The following PIGG variants were observed in gnomAD, a reference collection of about 807,000 sequenced individuals.
The protein encoded by PIGG is phosphatidylinositol glycan anchor biosynthesis class G (EMM blood group).
A neutral mutation model predicts 83.2 loss-of-function variants in PIGG; 70 were observed. The ratio of observed to expected loss-of-function variants is 0.84; its 90% CI spans 0.69 to 1.03. The LOEUF is 1.03. Among genes scored for constraint, PIGG ranks in the 50% least tolerant of loss-of-function variants. The pLI, the probability that PIGG is intolerant of heterozygous loss-of-function variation, is 0.00. For synonymous variants in PIGG, 532 were observed against 519.5 expected, an observed-to-expected ratio of 1.02 and a Z score of -0.33; for missense variants, 1,257 against 1,233.6, an observed-to-expected ratio of 1.02 and a Z score of -0.28.
chr4:523,221 T>C (rs115010181), intron 8 of PIGG, among the ~76,000 whole-genome samples: 189 of 152,274 alleles, frequency 1.2e-3, no homozygotes, highest in African/African-American at 3.9e-3. Flanking sequence ...GGCCGTGCAG[T>C]GTCCGGCTCC....
chr4:514,024 T>C (rs1723068117), intron 5 of PIGG, among the ~76,000 whole-genome samples: 1 of 152,270 alleles, frequency 6.6e-6, no homozygotes, highest in East Asian at 1.9e-4. Context: ...GCCTTATTCT[T>C]TACAACAATA....
chr4:510,748 C>A (rs1261512773), intron 5 of PIGG, among the ~76,000 whole-genome samples: 1 of 152,130 alleles, frequency 6.6e-6, no homozygotes, highest in Non-Finnish European at 1.5e-5. Flanking sequence ...CAGCATTGGG[C>A]CACCATCATC....
chr4:513,417 C>T (rs1043476339), intron 5 of PIGG, among the ~76,000 whole-genome samples: 6 of 152,164 alleles, frequency 3.9e-5, no homozygotes, highest in African/African-American at 9.7e-5. Context: ...AGCCCACCAC[C>T]GCCCACCCCT....
At chr4:534,808 T>G (rs1208886286) in intron 12 of PIGG, among the ~76,000 whole-genome samples, 1 of 150,654 alleles carries the variant, frequency 6.6e-6, no homozygotes, top group Non-Finnish European at 1.5e-5. Context: ...AGATCAAGGG[T>G]GCAGCCCCCC....
At chr4:530,797 TTTTAAA>T (rs774718661) in intron 11 of PIGG, 52 bp downstream of exon 11, 4 of 1,253,628 alleles carry the variant, frequency 3.2e-6, no homozygotes, top group Non-Finnish European at 4.5e-6. Context: ...TACATATTTA[TTTTAAA>T]TTTTTCTTTG....
chr4:507,310 C>A, intron 3 of PIGG, 95 bp from the exon 4 acceptor site: 1 of 951,362 alleles, frequency 1.1e-6, no homozygotes, highest in Non-Finnish European at 1.6e-6. Flanking sequence ...CCTGAATAAA[C>A]CCCTAGATTT....
chr4:521,157 T>C lies in PIGG; in HGVS notation c.1216T>C (p.Ser406Pro). Residue 406 changes from serine to proline, a missense_variant, in exon 7 of 13, where the codon TCC (serine) becomes CCC (proline). Coordinates refer to ENST00000453061, the MANE Select transcript of PIGG (RefSeq NM_001127178.3). ...KHSEVLFNLG[S>P]KVLRQYLDAL... Reference sequence around the variant, plus strand: ...TTCAGAAGTCCTATTCAACCTGGGCTCCAAGGTTCTCAGGCAGTACCTGGA... The same window carrying C: ...TTCAGAAGTCCTATTCAACCTGGGCCCCAAGGTTCTCAGGCAGTACCTGGA... The C allele has an allele frequency of 6.2e-7, 1 of 1,613,842 alleles. No homozygotes were observed. Among genetic ancestry groups the C allele is most frequent in the Non-Finnish European group, 8.5e-7 (1 of 1,179,744 alleles).
At position 528,451 on chromosome 4, in the gene PIGG, G is replaced by A. The variant is rs766502731; in HGVS notation, c.2261+1221G>A. The stretch of plus-strand genomic sequence containing the variant: ...GCCGTGGGGCTCCGGGGGCACCCCT[G>A]GAAGTACTTCCTGGCTGAGTGGGGA... On this transcript the variant is annotated intron_variant, in intron 10 of 12. Transcript: ENST00000453061. This position sits in a 1 kb window ranked among gnomAD's most constrained non-coding sequence, Gnocchi z 4.8. 5.1e-6 allele frequency: 5 copies of A among 985,388 alleles called. No homozygotes were observed. Among genetic ancestry groups the A allele is most frequent in the Non-Finnish European group, 6.0e-6 (5 of 829,904 alleles). The allele number at this position is 985,388 out of a possible 1,614,324, so 61.0% of individuals were successfully genotyped here.
intron 10 of PIGG, chr4:527,731 T>C: frequency 4.1e-6 from 4 of 985,338 alleles, no homozygotes; most frequent in Non-Finnish European, 4.8e-6. Context: ...CAGGAGCTCC[T>C]GTTGATTGGC....
rs541893247 is a variant in PIGG, at chr4:516,201, G to A, written c.1114+16G>A. On this transcript the variant is annotated intron_variant, in intron 6 of 12. Coordinates refer to ENST00000453061, the MANE Select transcript of PIGG (RefSeq NM_001127178.3). ...TATGAAAAAGGTCAGTCAACTCACC[G>A]TTTCGAGCTCTGTCAGAGCTGTGTG... The A allele has an allele frequency of 1.7e-5, 27 of 1,570,238 alleles. No individual in the cohort carries two copies. The highest frequency in any genetic ancestry group is 6.7e-5 in the African/African-American group (5 of 74,126).
chr4:527,277 GA>G, intron 10 of PIGG, 47 bp downstream of exon 10: 1 of 1,519,526 alleles, frequency 6.6e-7, no homozygotes, highest in South Asian at 1.3e-5. Context: ...TTTACTGTTT[GA>G]AGAACTGGCG....
chr4:523,355 G>C (rs1254801903), intron 8 of PIGG, 104 bp from the exon 9 acceptor site: 1 of 827,358 alleles, frequency 1.2e-6, no homozygotes, highest in African/African-American at 1.7e-5. Flanking sequence ...AGGAACAATG[G>C]TGTGTGTCCA....
intron 6 of PIGG, 111 bp downstream of exon 6, chr4:516,296 TC>T: frequency 1.4e-6 from 1 of 707,394 alleles, no homozygotes; most frequent in South Asian, 1.6e-5. Context: ...TATTTTTTCA[TC>T]ACTACTCTTT....
At position 523,916 on chromosome 4, in the gene PIGG, G is replaced by A; in HGVS notation, c.2069+3G>A. The stretch of plus-strand genomic sequence containing the variant: ...GACCTCGGCCACTGGCTCACCAGGT[G>A]AGAGCGTAGGCCCGTGGCCACAGGC... On this transcript the variant is annotated splice_donor_region_variant and intron_variant, in intron 9 of 12. Coordinates refer to ENST00000453061, the MANE Select transcript of PIGG (RefSeq NM_001127178.3). The A allele has an allele frequency of 1.3e-6, 2 of 1,509,590 alleles. No individual in the cohort carries two copies. Among genetic ancestry groups the A allele is most frequent in the South Asian group, 2.5e-5 (2 of 79,734 alleles). The allele number at this position is 1,509,590 out of a possible 1,614,324, so 93.5% of individuals were successfully genotyped here.
chr4:518,030 C>G (rs1724514031), intron 6 of PIGG, among the ~76,000 whole-genome samples: 1 of 152,166 alleles, frequency 6.6e-6, no homozygotes, highest in South Asian at 2.1e-4. Flanking sequence ...GAGATGTAAA[C>G]CGGCCTCCTA....
Position 506,930 on chromosome 4 carries a change from A to G in PIGG, c.571-475A>G, listed in dbSNP as rs141609819. The G allele has an allele frequency of 1.2e-3, 459 of 374,636 alleles. 11 individuals carry two copies. The East Asian group carries it at 0.028, about 23-fold the overall frequency. The allele number at this position is 374,636 out of a possible 1,614,324, so 23.2% of individuals were successfully genotyped here. A position where few individuals can be genotyped will look rare whatever the true frequency, so the allele number is the denominator to read the frequency against. ...GTTACCTCATGACAACTTGGGATCT[A>G]TTTAACTTGCCCATTTGCTCACCTT... On this transcript the variant is annotated intron_variant, in intron 3 of 12. Coordinates refer to ENST00000453061, the MANE Select transcript of PIGG (RefSeq NM_001127178.3).
chr4:519,056 C>T (rs546245452), intron 6 of PIGG, among the ~76,000 whole-genome samples: 5 of 152,224 alleles, frequency 3.3e-5, no homozygotes, highest in African/African-American at 4.8e-5. Context: ...TACATTTCAG[C>T]GTAAACATCA....
chr4:501,954 T>C (rs1194773203), intron 2 of PIGG: 1 of 152,208 alleles, frequency 6.6e-6, no homozygotes, highest in Non-Finnish European at 1.5e-5. Flanking sequence ...GAGAGGGGCA[T>C]GCCCGGCACC....
In PIGG at chr4:505,890, A is replaced by G; in HGVS notation, c.533A>G (p.Asp178Gly). Residue 178 changes from aspartate (D) to glycine (G), a missense_variant, in exon 3 of 13, where the codon GAT becomes GGT. Physicochemically the swap from Asp to Gly is moderately conservative, Grantham distance 94 (BLOSUM62 -1). Coordinates refer to ENST00000453061, the MANE Select transcript of PIGG (RefSeq NM_001127178.3). The part of the protein sequence containing the change: ...KLFPKHFVEY[D>G]GTTSFFVSDY... ...TTCCCAAAGCATTTTGTGGAATATGATGGAACAACCTCATTTTTCGTGTCA... is the reference window on the plus strand; with the variant it reads ...TTCCCAAAGCATTTTGTGGAATATGGTGGAACAACCTCATTTTTCGTGTCA... 1 of 1,613,176 alleles carries G rather than the reference A, an allele frequency of 6.2e-7. No individual in the cohort carries two copies. The highest frequency in any genetic ancestry group is 1.7e-5 in the Admixed American group (1 of 59,884).
Sources: allele counts gnomAD v4.1 joint callset (sites outside exome capture counted in the v4.1 genomes callset), GRCh38; gene constraint gnomAD v4.1.1; non-coding constraint Gnocchi (gnomAD v3.1); transcripts MANE v1.5; gene names NCBI Gene and HGNC (gene_info 2026-07-23, HGNC 2026-07-21).